Variants in TTLL6 observed in about 807,000 individuals in gnomAD.
The protein encoded by TTLL6 is tubulin tyrosine ligase like 6.
In TTLL6, 75 loss-of-function variants were observed where a neutral mutation model predicts 96.4. That is an observed-to-expected ratio of 0.78 (90% CI 0.65 to 0.94). The LOEUF is 0.94. Ranked by LOEUF, TTLL6 falls within the 40% of genes least tolerant of loss-of-function variation. The probability of loss-of-function intolerance (pLI) is 0.00; values close to 1 mark genes in which losing one functional copy is unlikely to be tolerated. For missense variants in TTLL6, 1,030 were observed against 1,093.0 expected (o/e 0.94, Z 0.81); for synonymous variants, 411 against 419.4 (o/e 0.98, Z 0.24).
intron 15 of TTLL6, among the ~76,000 whole-genome samples, chr17:48,763,227 G>T (rs1354601818): frequency 6.6e-6 from 1 of 152,182 alleles, no homozygotes; most frequent in Non-Finnish European, 1.5e-5. Flanking sequence ...TAGTGGTTAA[G>T]AAGCTGTATG....
chr17:48,779,280 G>A (rs1199317539), intron 13 of TTLL6, among the ~76,000 whole-genome samples: 3 of 149,210 alleles, frequency 2.0e-5, no homozygotes, highest in Non-Finnish European at 4.4e-5. Flanking sequence ...CTTGAACCCG[G>A]GAGGCTGAGG....
In TTLL6 at chr17:48,786,176, T is replaced by C. The variant is rs768735640; in HGVS notation, c.1749A>G (p.Gln583=). Residue 583 remains glutamine (Q), a synonymous_variant, in exon 12 of 16, where the codon CAA becomes CAG. Coordinates refer to ENST00000393382, the MANE Select transcript of TTLL6 (RefSeq NM_001130918.3). ...KQQQKDKAAT[Q]ASKQYIQPLT... Reference sequence around the variant, plus strand: ...AATCCAGGTTTACCTGTTTGGAGGCTTGGGTGGCGGCCTTGTCTTTCTGCT... The same window carrying C: ...AATCCAGGTTTACCTGTTTGGAGGCCTGGGTGGCGGCCTTGTCTTTCTGCT... The C allele has an allele frequency of 1.9e-6, 3 of 1,614,086 alleles. No homozygotes were observed. The African/African-American group carries it at 4.0e-5, about 22-fold the overall frequency.
chr17:48,780,399 A>G (rs1203642612), intron 13 of TTLL6, among the ~76,000 whole-genome samples: 1 of 152,222 alleles, frequency 6.6e-6, no homozygotes, highest in Non-Finnish European at 1.5e-5. Flanking sequence ...TAGGGAATTT[A>G]AAGTGTCTAA....
Position 48,787,714 on chromosome 17 carries a change from G to T in TTLL6, c.1589+97C>A, listed in dbSNP as rs2039130617. Reference sequence around the variant, plus strand: ...CCTGGTTGCTCTGGCAACTTTCATGGCTGGGGACTCTCCCTGCCACTCCAG... The same window carrying T: ...CCTGGTTGCTCTGGCAACTTTCATGTCTGGGGACTCTCCCTGCCACTCCAG... On this transcript the variant is annotated intron_variant, in intron 11 of 15. Coordinates refer to ENST00000393382, the MANE Select transcript of TTLL6 (RefSeq NM_001130918.3). 1.2e-5 allele frequency: 16 copies of T among 1,284,736 alleles called. No individual in the cohort carries two copies. In the East Asian group the frequency reaches 3.0e-4, roughly 24 times the overall value. The allele number at this position is 1,284,736 out of a possible 1,614,324, so 79.6% of individuals were successfully genotyped here.
intron 1 of TTLL6, chr17:48,812,078 C>G: frequency 9.3e-6 from 1 of 108,032 alleles, no homozygotes; most frequent in Middle Eastern, 5.6e-3. Flanking sequence ...CCCCCCCCAC[C>G]CCCCGCTCAG....
intron 15 of TTLL6, among the ~76,000 whole-genome samples, chr17:48,763,831 A>T (rs1193127311): frequency 6.6e-6 from 1 of 151,880 alleles, no homozygotes; most frequent in Non-Finnish European, 1.5e-5. Context: ...AACAAACAAA[A>T]AAACAGAAAG....
intron 13 of TTLL6, among the ~76,000 whole-genome samples, chr17:48,775,592 A>T (rs1050767261): frequency 4.0e-5 from 6 of 151,464 alleles, no homozygotes; most frequent in Non-Finnish European, 8.8e-5. Flanking sequence ...CCCAGGCTGG[A>T]GTGCAATGGC....
At chr17:48,802,024 A>G (rs903496782) in intron 3 of TTLL6, among the ~76,000 whole-genome samples, 2 of 151,118 alleles carry the variant, frequency 1.3e-5, no homozygotes, top group African/African-American at 4.9e-5. Flanking sequence ...GAGCCTGGGC[A>G]ACAGGAGACC....
rs761098129 is a variant in TTLL6 at position 48,769,747 on chromosome 17, C to T, written c.2391G>A (p.Leu797=). The part of the protein sequence containing the change: ...SFFPAHYNPK[L]GMNNLSQNPS... ...ACTCACGTGACAGGTTATTCATCCC[C>T]AGCTTGGGGTTGTAGTGAGCTGGGA... Residue 797 remains leucine, a synonymous_variant, in exon 14 of 16, where the codon CTG becomes CTA. Coordinates refer to ENST00000393382, the MANE Select transcript of TTLL6 (RefSeq NM_001130918.3). The T allele has an allele frequency of 1.2e-6, 2 of 1,613,998 alleles. No homozygotes were observed. Among genetic ancestry groups the T allele is most frequent in the Non-Finnish European group, 1.7e-6 (2 of 1,179,934 alleles).
intron 7 of TTLL6, 121 bp downstream of exon 7, chr17:48,796,940 A>C (rs2039326173): frequency 4.3e-6 from 5 of 1,169,764 alleles, no homozygotes; most frequent in Non-Finnish European, 5.9e-6. Flanking sequence ...GAAACCCGGC[A>C]CATAGCAAGT....
intron 7 of TTLL6, among the ~76,000 whole-genome samples, chr17:48,796,432 C>T (rs2039317801): frequency 6.6e-6 from 1 of 151,976 alleles, no homozygotes; most frequent in Non-Finnish European, 1.5e-5. Context: ...CCAGCCTGAC[C>T]AACATGGTGA....
At chr17:48,807,943 A>G (rs1005662282) in intron 1 of TTLL6, among the ~76,000 whole-genome samples, 7 of 152,044 alleles carry the variant, frequency 4.6e-5, no homozygotes, top group Non-Finnish European at 7.4e-5. Flanking sequence ...GGTTCACGCC[A>G]TTCTCCTGCC....
intron 13 of TTLL6, among the ~76,000 whole-genome samples, chr17:48,770,941 A>G (rs913625286): frequency 1.3e-5 from 2 of 152,246 alleles, no homozygotes; most frequent in Admixed American, 1.3e-4. Flanking sequence ...AGAAACAAAA[A>G]AAAACAACCA....
Position 48,801,302 on chromosome 17 carries a change from G to C in TTLL6, c.564C>G (p.Phe188Leu). The C allele has an allele frequency of 2.6e-6, 4 of 1,551,636 alleles. No individual in the cohort carries two copies. The highest frequency in any genetic ancestry group is 1.2e-5 in the South Asian group (1 of 84,040). The change falls in exon 5 of 16, where the codon TTC becomes TTG. Residue 188 changes from phenylalanine to leucine, a missense_variant. Phe to Leu is a conservative substitution (Grantham distance 22). Coordinates refer to ENST00000393382, the MANE Select transcript of TTLL6 (RefSeq NM_001130918.3). The part of the protein sequence containing the change: ...ARNMSRMLKM[F>L]PKDFRFFPRT... Reference sequence around the variant, plus strand: ...TAGGGAAAAAGCGGAAATCTTTAGGGAACATCTTTAACATGCGGCTCATGT... The same window carrying C: ...TAGGGAAAAAGCGGAAATCTTTAGGCAACATCTTTAACATGCGGCTCATGT...
At chr17:48,792,903 C>A (rs2039252695) in intron 8 of TTLL6, among the ~76,000 whole-genome samples, 1 of 152,128 alleles carries the variant, frequency 6.6e-6, no homozygotes, top group African/African-American at 2.4e-5. Flanking sequence ...ACCTCCCTGG[C>A]AACATATAAC....
chr17:48,796,598 G>A (rs1049027418), intron 7 of TTLL6, among the ~76,000 whole-genome samples: 2 of 147,396 alleles, frequency 1.4e-5, no homozygotes, highest in South Asian at 4.4e-4. Flanking sequence ...CAGCCTAGGC[G>A]ACAAAGCGAG....
chr17:48,806,768 C>T (rs75685768), intron 1 of TTLL6, among the ~76,000 whole-genome samples: 3,991 of 152,138 alleles, frequency 0.026, 154 homozygotes, highest in South Asian at 0.097. Context: ...CGCTGGTTCA[C>T]GTCTGCAATC....
At chr17:48,784,583 T>C (rs945873174) in intron 13 of TTLL6, among the ~76,000 whole-genome samples, 2 of 152,066 alleles carry the variant, frequency 1.3e-5, no homozygotes, top group African/African-American at 4.8e-5. Context: ...AGATGGAGCA[T>C]GGTCCTGCCA....
chr17:48,800,097 A>G (rs2039383723), intron 5 of TTLL6: 1 of 235,052 alleles, frequency 4.3e-6, no homozygotes, highest in Admixed American at 4.9e-5. Context: ...GTTGCATGAC[A>G]TAATGCAGGC....
Sources: gnomAD v4.1 joint callset for allele counts (sites outside exome capture counted in the v4.1 genomes callset) on GRCh38, gnomAD v4.1.1 for gene constraint, MANE v1.5 for transcripts, NCBI Gene and HGNC (gene_info 2026-07-23, HGNC 2026-07-21) for gene names.